SLC19A1: variants seen among roughly 807,000 people sequenced by gnomAD.
SLC19A1 encodes reduced folate transporter.
In SLC19A1, 37 loss-of-function variants were observed where a neutral mutation model predicts 35.3. The ratio of observed to expected loss-of-function variants is 1.05; its 90% CI spans 0.81 to 1.38. The LOEUF (loss-of-function observed/expected upper bound fraction) is 1.38, where lower values mean the gene tolerates loss of function less well. SLC19A1 is among the 40% of genes most tolerant of loss of function. The pLI, the probability that SLC19A1 is intolerant of heterozygous loss-of-function variation, is 0.00. For missense variants in SLC19A1, 831 were observed against 826.9 expected (o/e 1.00, Z -0.06); for synonymous variants, 460 against 398.5 (o/e 1.15, Z -1.84).
intron 5 of SLC19A1, among the ~76,000 whole-genome samples, chr21:45,521,431 G>A (rs780253186): frequency 6.6e-5 from 10 of 152,138 alleles, no homozygotes; most frequent in Non-Finnish European, 1.0e-4. Flanking sequence ...CAGTAAACAC[G>A]TCAATTCTCC....
intron 2 of SLC19A1, 139 bp from the exon 3 acceptor site, chr21:45,532,287 C>A (rs1210456921): frequency 5.3e-5 from 36 of 673,420 alleles, no homozygotes; most frequent in Non-Finnish European, 1.3e-5. Context: ...CAACACGCCC[C>A]TGTCCCATGT....
chr21:45,541,043 T>C (rs2078288843), intron 1 of SLC19A1, among the ~76,000 whole-genome samples: 1 of 134,452 alleles, frequency 7.4e-6, no homozygotes, highest in African/African-American at 2.7e-5. Flanking sequence ...GAAGAAAGCA[T>C]TGCACACCCT....
At chr21:45,504,699 CGTGT>C in intron 3 of SLC19A1, 2 of 724,872 alleles carry the variant, frequency 2.8e-6, no homozygotes, top group Non-Finnish European at 4.6e-6. Context: ...TCCCTGTCCC[CGTGT>C]GGGGACGCAG....
intron 4 of SLC19A1, among the ~76,000 whole-genome samples, chr21:45,527,299 G>A (rs1341040509): frequency 2.0e-5 from 3 of 148,710 alleles, no homozygotes; most frequent in East Asian, 2.1e-4. Flanking sequence ...GTATGCCCGG[G>A]CAGGCCCTGG....
At chr21:45,505,029 G>C in intron 3 of SLC19A1, 1 of 1,440,106 alleles carries the variant, frequency 6.9e-7, no homozygotes. Context: ...TGACTCAGAG[G>C]CTGCGCTCGC....
intron 1 of SLC19A1, among the ~76,000 whole-genome samples, chr21:45,558,072 CAGCGGCGGCATCGTCTCCA>C (rs1384840860): frequency 6.6e-6 from 1 of 152,288 alleles, no homozygotes; most frequent in Non-Finnish European, 1.5e-5. Flanking sequence ...CATATTCAGA[CAGCGGCGGCATCGTCTCCA>C]AGCCTGGGCT....
downstream of SLC19A1, chr21:45,512,344 T>G (rs1568957529): frequency 4.3e-6 from 7 of 1,612,734 alleles, no homozygotes; most frequent in Non-Finnish European, 5.9e-6. Flanking sequence ...CGAGCTGCCA[T>G]CACGCCTACA....
At chr21:45,527,162 CT>C (rs2077650227) in intron 4 of SLC19A1, among the ~76,000 whole-genome samples, 1 of 147,656 alleles carries the variant, frequency 6.8e-6, no homozygotes, top group Non-Finnish European at 1.5e-5. Context: ...TGAGTGGCAG[CT>C]GGGCAGAGCG....
chr21:45,516,165 G>A (rs377257997), intron 5 of SLC19A1, 25 bp from the exon 6 acceptor site: 96 of 1,578,282 alleles, frequency 6.1e-5, no homozygotes, highest in Admixed American at 4.2e-4. Context: ...CGGGTGAGGC[G>A]GGTGGGGAGG....
chr21:45,550,099 C>A (rs1261852104), intron 1 of SLC19A1, among the ~76,000 whole-genome samples: 1 of 152,076 alleles, frequency 6.6e-6, no homozygotes, highest in East Asian at 1.9e-4. Flanking sequence ...GTGTGGGGTA[C>A]CGCCCACCCC....
In SLC19A1 at chr21:45,531,692, C is replaced by T. The variant is rs776173955; in HGVS notation, c.646G>A (p.Asp216Asn). The T allele has an allele frequency of 1.6e-5, 26 of 1,612,458 alleles. No homozygotes were observed. In the South Asian group the frequency reaches 2.0e-4, roughly 12 times the overall value. The change falls in exon 3 of 6, where the codon GAC (aspartate) becomes AAC (asparagine). Residue 216 changes from aspartate (D) to asparagine (N), a missense_variant. Physicochemically the swap from Asp to Asn is conservative, Grantham distance 23. Transcript: ENST00000311124. ...GCCGAGGTTTCGCACCGCCCCCGGT[C>T]GTCGCGGTTGAAGAAGAGGCTGCGC... ...PKRSLFFNRDDRGRCETSASE... is the reference protein window; with the variant it reads ...PKRSLFFNRDNRGRCETSASE...
At chr21:45,535,811 G>A (rs1172986248) in intron 2 of SLC19A1, among the ~76,000 whole-genome samples, 1 of 152,256 alleles carries the variant, frequency 6.6e-6, no homozygotes, top group Non-Finnish European at 1.5e-5. Context: ...CTTAAGAACA[G>A]CCTCGAACCC....
rs993275414 is a variant in SLC19A1, at chr21:45,517,440, G to A, written c.1294-1300C>T. ...TCAGACAACACCAGTGGGCACTAGAGCTTTCACTCCCACTGGTTGGTAAAG... is the reference window on the plus strand; with the variant it reads ...TCAGACAACACCAGTGGGCACTAGAACTTTCACTCCCACTGGTTGGTAAAG... On this transcript the variant is annotated intron_variant, in intron 5 of 5. Coordinates refer to ENST00000311124, the MANE Select transcript of SLC19A1 (RefSeq NM_194255.4). The surrounding 1 kb of genome is among the most constrained non-coding windows in gnomAD (Gnocchi z 4.4). Among the ~76,000 whole-genome samples, 2 of 151,980 alleles carry A rather than the reference G, an allele frequency of 1.3e-5. No homozygotes were observed. Among genetic ancestry groups the A allele is most frequent in the African/African-American group, 4.8e-5 (2 of 41,350 alleles).
intron 5 of SLC19A1, among the ~76,000 whole-genome samples, chr21:45,516,464 A>C (rs2037949267): frequency 6.6e-6 from 1 of 152,096 alleles, no homozygotes; most frequent in African/African-American, 2.4e-5. Flanking sequence ...CTGCCCCCCC[A>C]TGGTGCTGAG....
At chr21:45,504,751 C>A (rs1233729206) in intron 3 of SLC19A1, among the ~76,000 whole-genome samples, 2 of 152,106 alleles carry the variant, frequency 1.3e-5, no homozygotes, top group Non-Finnish European at 1.5e-5. Flanking sequence ...CCCCGGACAC[C>A]CCCCGTCCCC....
chr21:45,556,931 A>C (rs1320821857), intron 1 of SLC19A1, among the ~76,000 whole-genome samples: 2 of 151,874 alleles, frequency 1.3e-5, no homozygotes, highest in African/African-American at 4.8e-5. Context: ...ACGGCACCTC[A>C]GACGCATGTG....
rs1555877869 is a variant in SLC19A1 at position 45,514,264 on chromosome 21, C to CCG, written c.*1393_*1394insCG. ...AGGAAATGGCTGGTGCAGACCCCCC[C>CCG]CCAAGCAGGGTCCCCAGGGTGGCCA... On this transcript the variant is annotated 3_prime_UTR_variant, in exon 6 of 6. Coordinates refer to ENST00000311124, the MANE Select transcript of SLC19A1 (RefSeq NM_194255.4). The CCG allele has an allele frequency of 2.6e-5, 4 of 152,178 alleles. No individual in the cohort carries two copies. Among genetic ancestry groups the CCG allele is most frequent in the South Asian group, 2.1e-4 (1 of 4,816 alleles). The allele number at this position is 152,178 out of a possible 1,614,324, so 9.4% of individuals were successfully genotyped here. A position where few individuals can be genotyped will look rare whatever the true frequency, so the allele number is the denominator to read the frequency against.
chr21:45,538,143 AC>A, intron 1 of SLC19A1, 135 bp from the exon 2 acceptor site: 1 of 506,570 alleles, frequency 2.0e-6, no homozygotes, highest in Non-Finnish European at 3.5e-6. Context: ...CAGACCCCAG[AC>A]CCATCCTCAC....
intron 1 of SLC19A1, among the ~76,000 whole-genome samples, chr21:45,562,319 A>C (rs2078623628): frequency 6.6e-6 from 1 of 152,156 alleles, no homozygotes; most frequent in Admixed American, 6.5e-5. Flanking sequence ...CGCATTCACC[A>C]CATCGGCATC....
Sources: gnomAD v4.1 joint callset for allele counts (sites outside exome capture counted in the v4.1 genomes callset) on GRCh38, gnomAD v4.1.1 for gene constraint, Gnocchi (gnomAD v3.1) non-coding constraint, MANE v1.5 for transcripts, NCBI Gene and HGNC (gene_info 2026-07-23, HGNC 2026-07-21) for gene names.